The following TANC2 variants were observed in gnomAD, a reference collection of about 807,000 sequenced individuals.
The protein encoded by TANC2 is tetratricopeptide repeat, ankyrin repeat and coiled-coil containing 2.
Under a neutral mutation model 210.5 loss-of-function variants are expected in TANC2, and 26 were observed. That is an observed-to-expected ratio of 0.12 (90% confidence interval 0.09 to 0.17). The LOEUF is 0.17. Among genes scored for constraint, TANC2 ranks in the 10% least tolerant of loss-of-function variants. The pLI is 1.00. For missense variants in TANC2, 2,129 were observed against 2,608.9 expected (o/e 0.82, Z 4.01); for synonymous variants, 931 against 967.1 (o/e 0.96, Z 0.69).
intron 9 of TANC2, among the ~76,000 whole-genome samples, chr17:63,285,612 G>A (rs2146379730): frequency 6.6e-6 from 1 of 152,288 alleles, no homozygotes; most frequent in African/African-American, 2.4e-5. Context: ...AAAGGGAAAA[G>A]CCACATGGTG....
chr17:63,311,252 A>G (rs1285314062), intron 9 of TANC2, among the ~76,000 whole-genome samples: 5 of 152,242 alleles, frequency 3.3e-5, no homozygotes, highest in Non-Finnish European at 7.4e-5. Flanking sequence ...TATTGGTTAA[A>G]TAACTTATGA....
At chr17:63,395,996 A>G in intron 18 of TANC2, 68 bp downstream of exon 18, 1 of 1,441,250 alleles carries the variant, frequency 6.9e-7, no homozygotes, top group Non-Finnish European at 9.3e-7. Context: ...CCAGGAGAAA[A>G]GATTGCACGA....
intron 18 of TANC2, among the ~76,000 whole-genome samples, chr17:63,397,818 T>C (rs904663211): frequency 7.2e-5 from 11 of 152,344 alleles, no homozygotes; most frequent in Admixed American, 7.2e-4. Flanking sequence ...AACCTTTGTT[T>C]TTAATGTTAA....
intron 9 of TANC2, among the ~76,000 whole-genome samples, chr17:63,275,373 A>C (rs533509769): frequency 6.6e-6 from 1 of 152,298 alleles, no homozygotes; most frequent in East Asian, 1.9e-4. Context: ...CATTGGCAGA[A>C]TTTATGTGAA....
chr17:63,207,207 T>C (rs1189331212), intron 7 of TANC2, among the ~76,000 whole-genome samples: 3 of 150,128 alleles, frequency 2.0e-5, no homozygotes, highest in Non-Finnish European at 4.4e-5. Flanking sequence ...TTTCTTTTTT[T>C]TTCCTTTTTT....
At chr17:63,357,562 C>G (rs1020223626) in intron 14 of TANC2, among the ~76,000 whole-genome samples, 1 of 152,142 alleles carries the variant, frequency 6.6e-6, no homozygotes, top group Admixed American at 6.5e-5. Flanking sequence ...TAAACAGGAC[C>G]AGGAGTTATC....
intron 9 of TANC2, among the ~76,000 whole-genome samples, chr17:63,292,468 C>A (rs1239138192): frequency 2.0e-5 from 3 of 152,134 alleles, no homozygotes; most frequent in Non-Finnish European, 4.4e-5. Flanking sequence ...AACAGAAAGT[C>A]TTTAGTGACT....
intron 4 of TANC2, among the ~76,000 whole-genome samples, chr17:63,136,676 TATG>T (rs1323902487): frequency 6.6e-6 from 1 of 152,206 alleles, no homozygotes; most frequent in Non-Finnish European, 1.5e-5. Context: ...TTCTTCCTAC[TATG>T]ATGAATTTAC....
At chr17:63,362,274 A>G (rs1404690598) in intron 14 of TANC2, among the ~76,000 whole-genome samples, 3 of 152,152 alleles carry the variant, frequency 2.0e-5, no homozygotes, top group African/African-American at 4.8e-5. Flanking sequence ...CAGGGTTTTT[A>G]TGGGCTTCAG....
chr17:63,122,526 C>T (rs903420440), intron 4 of TANC2, among the ~76,000 whole-genome samples: 2 of 152,046 alleles, frequency 1.3e-5, no homozygotes, highest in Admixed American at 6.5e-5. Context: ...TACTTGAGGT[C>T]AGGAGTTTGA....
intron 4 of TANC2, among the ~76,000 whole-genome samples, chr17:63,134,961 A>G (rs1449357761): frequency 6.6e-6 from 1 of 152,210 alleles, no homozygotes; most frequent in Non-Finnish European, 1.5e-5. Flanking sequence ...ACTGTGGCGC[A>G]CACCTAGCAG....
At chr17:63,222,613 A>T (rs1262965525) in intron 7 of TANC2, among the ~76,000 whole-genome samples, 1 of 152,142 alleles carries the variant, frequency 6.6e-6, no homozygotes, top group African/African-American at 2.4e-5. Flanking sequence ...GTATGGGATG[A>T]TGGAAAGTTG....
intron 2 of TANC2, among the ~76,000 whole-genome samples, chr17:63,023,651 T>C (rs2034437672): frequency 6.6e-6 from 1 of 152,212 alleles, no homozygotes; most frequent in Non-Finnish European, 1.5e-5. Context: ...CATTACTGTA[T>C]CTTTGAAGTA....
chr17:63,022,005 A>G (rs1160304253), intron 2 of TANC2, among the ~76,000 whole-genome samples: 2 of 152,152 alleles, frequency 1.3e-5, no homozygotes, highest in Non-Finnish European at 2.9e-5. Context: ...CTTGGCTGCA[A>G]TGTGTCCATG....
At chr17:63,397,416 T>C (rs554989807) in intron 18 of TANC2, among the ~76,000 whole-genome samples, 5 of 152,240 alleles carry the variant, frequency 3.3e-5, no homozygotes, top group Non-Finnish European at 5.9e-5. Flanking sequence ...TAACGAAAGT[T>C]TGACAAATGG....
At chr17:63,155,075 A>T (rs952217044) in intron 5 of TANC2, 2 of 152,066 alleles carry the variant, frequency 1.3e-5, no homozygotes, top group African/African-American at 4.8e-5. Flanking sequence ...GTGGCATTAC[A>T]GGTGGTTTTA....
At chr17:62,992,864 A>G (rs2032936427) in intron 1 of TANC2, among the ~76,000 whole-genome samples, 1 of 152,242 alleles carries the variant, frequency 6.6e-6, no homozygotes, top group Non-Finnish European at 1.5e-5. Flanking sequence ...CTATTTTAAT[A>G]CTTCTTACAG....
In TANC2 at chr17:63,377,360, G is replaced by A. The variant is rs553670924; in HGVS notation, c.2583-2358G>A. On this transcript the variant is annotated intron_variant, in intron 14 of 27. Transcript: ENST00000689528. Reference sequence around the variant, plus strand: ...CAAATTTTTCAAACTTTTATGCTCTGTTACCTCTTGAATGTTTTGCTACTT... The same window carrying A: ...CAAATTTTTCAAACTTTTATGCTCTATTACCTCTTGAATGTTTTGCTACTT... Among the ~76,000 whole-genome samples the A allele has an allele frequency of 2.0e-5, 3 of 152,194 alleles. No individual in the cohort carries two copies. The East Asian group carries it at 5.8e-4, about 29-fold the overall frequency.
At chr17:63,275,048 G>C (rs191745673) in intron 9 of TANC2, among the ~76,000 whole-genome samples, 1 of 152,092 alleles carries the variant, frequency 6.6e-6, no homozygotes, top group Non-Finnish European at 1.5e-5. Context: ...TATATAAAGG[G>C]AACCAGGAGG....
Sources: allele counts gnomAD v4.1 joint callset (sites outside exome capture counted in the v4.1 genomes callset), GRCh38; gene constraint gnomAD v4.1.1; transcripts MANE v1.5; gene names NCBI Gene and HGNC (gene_info 2026-07-23, HGNC 2026-07-21).